The following RAB40B variants were observed in gnomAD, a reference collection of about 807,000 sequenced individuals.
RAB40B encodes the protein RAB40B, member RAS oncogene family.
RAB40B carries 21 observed loss-of-function variants against 24.0 expected under a neutral mutation model. The ratio of observed to expected loss-of-function variants is 0.88; its 90% CI spans 0.62 to 1.26. The LOEUF (loss-of-function observed/expected upper bound fraction) is 1.26. Ranked by LOEUF, RAB40B falls within the 50% of genes most tolerant of loss-of-function variation. RAB40B has a pLI of 0.00. For missense variants in RAB40B, 348 were observed against 390.5 expected, an observed-to-expected ratio of 0.89 and a Z score of 0.92; for synonymous variants, 167 against 169.8, an observed-to-expected ratio of 0.98 and a Z score of 0.13.
intron 1 of RAB40B, among the ~76,000 whole-genome samples, chr17:82,681,520 G>T (rs543478771): frequency 8.5e-5 from 13 of 152,090 alleles, no homozygotes; most frequent in Non-Finnish European, 1.5e-4. Flanking sequence ...CTGCAGCAAA[G>T]CATCTCAAGG....
chr17:82,669,965 G>T (rs1235010735), intron 1 of RAB40B, among the ~76,000 whole-genome samples: 1 of 152,112 alleles, frequency 6.6e-6, no homozygotes, highest in Admixed American at 6.5e-5. Context: ...CCCTTGGCAG[G>T]CACGAGGCAA....
chr17:82,662,948 G>GC (rs2046193374), intron 2 of RAB40B, among the ~76,000 whole-genome samples: 1 of 151,884 alleles, frequency 6.6e-6, no homozygotes, highest in South Asian at 2.1e-4. Context: ...GGTGGCCTTG[G>GC]CCCCTCAGGA....
chr17:82,673,201 T>C (rs2046358273), intron 1 of RAB40B, among the ~76,000 whole-genome samples: 1 of 150,056 alleles, frequency 6.7e-6, no homozygotes, highest in African/African-American at 2.5e-5. Flanking sequence ...GAGACTCTTG[T>C]CTCAAAAAAA....
intron 1 of RAB40B, among the ~76,000 whole-genome samples, chr17:82,672,660 C>G (rs547565098): frequency 6.6e-6 from 1 of 152,236 alleles, no homozygotes; most frequent in Non-Finnish European, 1.5e-5. Flanking sequence ...CGGGCTTGCG[C>G]GATGCCCTCT....
chr17:82,691,880 C>A (rs1021165218), intron 1 of RAB40B, among the ~76,000 whole-genome samples: 1 of 152,044 alleles, frequency 6.6e-6, no homozygotes, highest in Non-Finnish European at 1.5e-5. Context: ...GGGGAAAGAG[C>A]GTGAACCGGG....
chr17:82,676,444 C>T (rs550446544), intron 1 of RAB40B, among the ~76,000 whole-genome samples: 5 of 148,432 alleles, frequency 3.4e-5, no homozygotes, highest in South Asian at 4.5e-4. Context: ...CTCTCCCCCC[C>T]CACACAGGGC....
At chr17:82,682,020 A>G (rs1172810097) in intron 1 of RAB40B, among the ~76,000 whole-genome samples, 1 of 152,126 alleles carries the variant, frequency 6.6e-6, no homozygotes, top group African/African-American at 2.4e-5. Flanking sequence ...TCATTTTGGA[A>G]GTTATAACCA....
intron 1 of RAB40B, among the ~76,000 whole-genome samples, chr17:82,683,813 AAAAAAAAAAAG>A (rs1278353938): frequency 6.6e-6 from 1 of 151,682 alleles, no homozygotes; most frequent in African/African-American, 2.4e-5. Context: ...TCCAAAAAAA[AAAAAAAAAAAG>A]AAAAGAAAAG....
rs1313114913 is a variant in RAB40B at position 82,692,804 on chromosome 17, T to G, written c.142+5651A>C. 6.6e-6 allele frequency among the ~76,000 whole-genome samples: 1 copy of G among 152,140 alleles called. No individual in the cohort carries two copies. The highest frequency in any genetic ancestry group is 1.9e-4 in the East Asian group (1 of 5,196). On this transcript the variant is annotated intron_variant, in intron 1 of 5. Transcript: ENST00000571995. The surrounding 1 kb of genome is among the most constrained non-coding windows in gnomAD (Gnocchi z 4.0). ...TTTGGATTATGTTAAAATTAAGAGC[T>G]TCTGTTCATCCAAAAATACCACTGA...
At chr17:82,669,463 G>A (rs1319530179) in intron 1 of RAB40B, among the ~76,000 whole-genome samples, 1 of 151,860 alleles carries the variant, frequency 6.6e-6, no homozygotes, top group Non-Finnish European at 1.5e-5. Flanking sequence ...CAACAAGAGC[G>A]AAACTCTGTC....
In RAB40B at chr17:82,661,215, G is replaced by A. The variant is rs138049871; in HGVS notation, c.204-168C>T. ...CTTTCCAATGTCCCTGAAGGGATCC[G>A]GGTGTTGGGATGTCCTCCCAGGCTC... On this transcript the variant is annotated intron_variant, in intron 2 of 5. Transcript: ENST00000571995. 269 of 1,385,764 alleles carry A rather than the reference G, an allele frequency of 1.9e-4. 1 individual carries two copies. The African/African-American group carries it at 2.7e-3, about 14-fold the overall frequency. 85.8% of individuals were successfully genotyped at this position (1,385,764 alleles called of 1,614,324 possible). A position where few individuals can be genotyped will look rare whatever the true frequency, so the allele number is the denominator to read the frequency against.
chr17:82,684,987 G>T (rs966240962), intron 1 of RAB40B, among the ~76,000 whole-genome samples: 1 of 151,434 alleles, frequency 6.6e-6, no homozygotes, highest in Non-Finnish European at 1.5e-5. Flanking sequence ...GGTGGCAGGC[G>T]CCTATAATCC....
intron 1 of RAB40B, among the ~76,000 whole-genome samples, chr17:82,688,913 AAC>A (rs2046528784): frequency 6.6e-6 from 1 of 152,224 alleles, no homozygotes; most frequent in Non-Finnish European, 1.5e-5. Context: ...CAGCCTGAGC[AAC>A]AGAGTAAGAC....
intron 1 of RAB40B, among the ~76,000 whole-genome samples, chr17:82,678,111 T>G (rs949646272): frequency 6.6e-6 from 1 of 152,214 alleles, no homozygotes; most frequent in Non-Finnish European, 1.5e-5. Flanking sequence ...TTTGCAGTTT[T>G]TTTTGTTTTT....
At chr17:82,676,522 C>T (rs1023991546) in intron 1 of RAB40B, among the ~76,000 whole-genome samples, 34 of 152,020 alleles carry the variant, frequency 2.2e-4, no homozygotes, top group South Asian at 4.2e-4. Flanking sequence ...CGGCTCTTCC[C>T]AGCCACCCCT....
At position 82,692,956 on chromosome 17, in the gene RAB40B, A is replaced by G. The variant is rs1446117203; in HGVS notation, c.142+5499T>C. On this transcript the variant is annotated intron_variant, in intron 1 of 5. Transcript: ENST00000571995. The surrounding 1 kb of genome is among the most constrained non-coding windows in gnomAD (Gnocchi z 4.0). ...CATTGAAAGAAATTCAACCTAAATG[A>G]AAAAACAGACATAAGACTTGGGCAT... 6.6e-6 allele frequency among the ~76,000 whole-genome samples: 1 copy of G among 152,160 alleles called. No homozygotes were observed. The highest frequency in any genetic ancestry group is 1.9e-4 in the East Asian group (1 of 5,200).
intron 2 of RAB40B, among the ~76,000 whole-genome samples, chr17:82,661,659 G>T (rs2046174158): frequency 6.6e-6 from 1 of 152,130 alleles, no homozygotes; most frequent in Admixed American, 6.5e-5. Flanking sequence ...GACCGAGGCA[G>T]GCGGATCACC....
At chr17:82,670,732 A>G (rs889032025) in intron 1 of RAB40B, among the ~76,000 whole-genome samples, 7 of 151,118 alleles carry the variant, frequency 4.6e-5, no homozygotes, top group African/African-American at 1.7e-4. Flanking sequence ...ACTGGGTTTT[A>G]CCATATTGGC....
In RAB40B at chr17:82,657,581, A is replaced by C; in HGVS notation, c.*282T>G. 2 of 521,616 alleles carry C rather than the reference A, an allele frequency of 3.8e-6. No individual in the cohort carries two copies. The highest frequency in any genetic ancestry group is 7.1e-6 in the Non-Finnish European group (2 of 281,310). The allele number at this position is 521,616 out of a possible 1,614,324, so 32.3% of individuals were successfully genotyped here. A position where few individuals can be genotyped will look rare whatever the true frequency, so the allele number is the denominator to read the frequency against. On this transcript the variant is annotated 3_prime_UTR_variant, in exon 6 of 6. Transcript: ENST00000571995. ...ATTTTAAGGAAAAAGTTGCAGTGCA[A>C]TCATGATAAAGTAACATTCAGAATT...
Sources: allele counts gnomAD v4.1 joint callset (sites outside exome capture counted in the v4.1 genomes callset), GRCh38; gene constraint gnomAD v4.1.1; non-coding constraint Gnocchi (gnomAD v3.1); transcripts MANE v1.5; gene names NCBI Gene and HGNC (gene_info 2026-07-23, HGNC 2026-07-21).